Variants in LIMCH1 observed in about 807,000 individuals in gnomAD.
LIMCH1 encodes LIM and calponin homology domains-containing protein 1.
LIMCH1 carries 113 observed loss-of-function variants against 176.5 expected under a neutral mutation model. That is an observed-to-expected ratio of 0.64 (90% CI 0.55 to 0.75). LIMCH1 has a LOEUF of 0.75. LIMCH1 is among the 30% of genes least tolerant of loss of function. The probability of loss-of-function intolerance (pLI) is 0.00; values close to 1 mark genes in which losing one functional copy is unlikely to be tolerated. For synonymous variants in LIMCH1, 619 were observed against 645.9 expected, an observed-to-expected ratio of 0.96 and a Z score of 0.63; for missense variants, 1,674 against 1,814.9, an observed-to-expected ratio of 0.92 and a Z score of 1.41.
chr4:41,405,642 G>A (rs1262786235), intron 1 of LIMCH1, among the ~76,000 whole-genome samples: 4 of 152,044 alleles, frequency 2.6e-5, no homozygotes, highest in African/African-American at 7.3e-5. Flanking sequence ...GCCTTACTCA[G>A]TAACTTGTGC....
chr4:41,633,347 C>A (rs1473132939), intron 12 of LIMCH1, among the ~76,000 whole-genome samples: 41 of 152,220 alleles, frequency 2.7e-4, no homozygotes, highest in Non-Finnish European at 4.4e-5. Context: ...AGAAAGGGAC[C>A]CCCATTCCTG....
chr4:41,676,333 C>T, intron 22 of LIMCH1, 49 bp from the exon 23 acceptor site: 1 of 1,490,216 alleles, frequency 6.7e-7, no homozygotes. Flanking sequence ...CCGGCCTGTC[C>T]CTTGAGGACA....
At chr4:41,496,149 G>A (rs1447078641) in intron 2 of LIMCH1, among the ~76,000 whole-genome samples, 1 of 152,230 alleles carries the variant, frequency 6.6e-6, no homozygotes, top group Non-Finnish European at 1.5e-5. Flanking sequence ...AATTCATGCA[G>A]ACCATGTTGG....
intron 17 of LIMCH1, among the ~76,000 whole-genome samples, chr4:41,648,942 G>A (rs533525117): frequency 5.3e-5 from 8 of 151,302 alleles, no homozygotes; most frequent in African/African-American, 1.9e-4. Flanking sequence ...ATTGCTTGGG[G>A]CAACTTCTGT....
chr4:41,514,616 T>A (rs947611545), intron 2 of LIMCH1, among the ~76,000 whole-genome samples: 1 of 152,170 alleles, frequency 6.6e-6, no homozygotes, highest in African/African-American at 2.4e-5. Flanking sequence ...TTAAACAGCA[T>A]CCAGTGAGCA....
intron 1 of LIMCH1, among the ~76,000 whole-genome samples, chr4:41,415,482 T>C (rs2059841343): frequency 6.6e-6 from 1 of 151,952 alleles, no homozygotes; most frequent in African/African-American, 2.4e-5. Context: ...ATAATCTAAA[T>C]TATTTGAGGT....
At chr4:41,626,299 G>A (rs1436739594) in intron 7 of LIMCH1, among the ~76,000 whole-genome samples, 1 of 152,070 alleles carries the variant, frequency 6.6e-6, no homozygotes, top group Non-Finnish European at 1.5e-5. Flanking sequence ...CAGTTTCTTG[G>A]TGGCTCAATT....
At chr4:41,570,855 A>C (rs1456326497) in intron 1 of LIMCH1, among the ~76,000 whole-genome samples, 1 of 152,178 alleles carries the variant, frequency 6.6e-6, no homozygotes, top group Admixed American at 6.5e-5. Flanking sequence ...ACTGAGAAAA[A>C]GAAACAGAGA....
At chr4:41,671,441 A>ACAC in intron 21 of LIMCH1, 113 bp from the exon 22 acceptor site, 1 of 553,970 alleles carries the variant, frequency 1.8e-6, no homozygotes, top group Non-Finnish European at 3.2e-6. Context: ...CACACACACA[A>ACAC]AATTGGTTTA....
intron 1 of LIMCH1, among the ~76,000 whole-genome samples, chr4:41,400,895 A>C (rs989092361): frequency 2.0e-5 from 3 of 152,172 alleles, no homozygotes; most frequent in African/African-American, 7.2e-5. Flanking sequence ...AGACCTATCC[A>C]AATTTGTTTG....
In LIMCH1 at chr4:41,646,637, A is replaced by G. The variant is rs373341850; in HGVS notation, c.2564A>G (p.His855Arg). The G allele has an allele frequency of 3.1e-5, 50 of 1,614,256 alleles. No homozygotes were observed. In the South Asian group the frequency reaches 5.4e-4, roughly 17 times the overall value. Residue 855 changes from histidine to arginine, a missense_variant, in exon 17 of 32, where the codon CAT becomes CGT. By Grantham distance (29) the His-to-Arg change is conservative. Coordinates refer to ENST00000503057, the MANE Select transcript of LIMCH1 (RefSeq NM_001330672.2). ...LEMPKILERS[H>R]STEPNLSSFL... ...ATGCCAAAAATTCTGGAAAGAAGCC[A>G]TTCAACAGAGCCAAATTTATCCTCC...
chr4:41,467,158 TACACACACACACACACACACAC>T (rs148147336), intron 1 of LIMCH1, among the ~76,000 whole-genome samples: 1 of 143,466 alleles, frequency 7.0e-6, no homozygotes, highest in Non-Finnish European at 1.5e-5. Flanking sequence ...TATGTATATA[TACACACACACACACACACACAC>T]ACACACACAC....
chr4:41,411,150 A>C (rs2059443689), intron 1 of LIMCH1, among the ~76,000 whole-genome samples: 1 of 152,200 alleles, frequency 6.6e-6, no homozygotes, highest in Non-Finnish European at 1.5e-5. Flanking sequence ...AATGTTTCTA[A>C]AATGTATTCA....
chr4:41,459,305 T>A (rs2065010887), intron 1 of LIMCH1, among the ~76,000 whole-genome samples: 1 of 151,980 alleles, frequency 6.6e-6, no homozygotes, highest in Non-Finnish European at 1.5e-5. Flanking sequence ...CTCTGTCCCT[T>A]CCTTCCTTCT....
At position 41,582,753 on chromosome 4, in the gene LIMCH1, C is replaced by T. The variant is rs1431392527; in HGVS notation, c.-240-16167C>T. Among the ~76,000 whole-genome samples the T allele has an allele frequency of 2.6e-5, 4 of 152,202 alleles. No individual in the cohort carries two copies. The East Asian group carries it at 7.7e-4, about 29-fold the overall frequency. On this transcript the variant is annotated intron_variant, in intron 1 of 31. Coordinates refer to ENST00000503057, the MANE Select transcript of LIMCH1 (RefSeq NM_001330672.2). ...AACAGTGTCTTACACATAGAATGCC[C>T]TCAATAAGTCAGTAATGATGATGAT...
chr4:41,642,504 C>G (rs1399252716), intron 14 of LIMCH1, among the ~76,000 whole-genome samples: 1 of 151,670 alleles, frequency 6.6e-6, no homozygotes, highest in Non-Finnish European at 1.5e-5. Flanking sequence ...AAATCACAGC[C>G]CTTCTCCTCT....
rs1408583169 is a variant in LIMCH1 at position 41,646,656 on chromosome 4, A to C, written c.2583A>C (p.Leu861Phe). ...GAAGCCATTCAACAGAGCCAAATTT[A>C]TCCTCCTTCCTGAATGACCCCAATC... ...LERSHSTEPNLSSFLNDPNPM... is the reference protein window; with the variant it reads ...LERSHSTEPNFSSFLNDPNPM... Residue 861 changes from leucine to phenylalanine, a missense_variant, in exon 17 of 32, where the codon TTA becomes TTC. By Grantham distance (22) the Leu-to-Phe change is conservative (BLOSUM62 0). This residue lies in a region of LIMCH1 where 1,015 missense variants were observed against 1,102.5 expected (regional missense o/e 0.92). Transcript: ENST00000503057. 1.2e-6 allele frequency: 2 copies of C among 1,614,246 alleles called. No homozygotes were observed. Among genetic ancestry groups the C allele is most frequent in the South Asian group, 2.2e-5 (2 of 91,092 alleles).
At chr4:41,656,632 A>G (rs1381702686) in intron 18 of LIMCH1, among the ~76,000 whole-genome samples, 1 of 152,160 alleles carries the variant, frequency 6.6e-6, no homozygotes, top group Non-Finnish European at 1.5e-5. Flanking sequence ...TTGGAGGTAT[A>G]AAAGTGAAAA....
intron 1 of LIMCH1, among the ~76,000 whole-genome samples, chr4:41,432,230 G>A (rs1055947497): frequency 3.3e-5 from 5 of 152,246 alleles, no homozygotes; most frequent in Admixed American, 6.5e-5. Context: ...CACTGTCTGA[G>A]TGGATTAATT....
Sources: allele counts gnomAD v4.1 joint callset (sites outside exome capture counted in the v4.1 genomes callset), GRCh38; gene constraint gnomAD v4.1.1; regional missense constraint gnomAD v4.1.1; transcripts MANE v1.5; gene names NCBI Gene and HGNC (gene_info 2026-07-23, HGNC 2026-07-21).